ADAM8: variants seen among roughly 807,000 people sequenced by gnomAD.
The protein encoded by ADAM8 is disintegrin and metalloproteinase domain-containing protein 8.
ADAM8 carries 104 observed loss-of-function variants against 102.4 expected under a neutral mutation model. The ratio of observed to expected loss-of-function variants is 1.02; its 90% confidence interval spans 0.87 to 1.20. The LOEUF (loss-of-function observed/expected upper bound fraction) is 1.20, where lower values mean the gene tolerates loss of function less well. Ranked by LOEUF, ADAM8 falls within the 50% of genes most tolerant of loss-of-function variation. The pLI is 0.00. For synonymous variants in ADAM8, 517 were observed against 485.2 expected, an observed-to-expected ratio of 1.07 and a Z score of -0.86; for missense variants, 1,132 against 1,159.0, an observed-to-expected ratio of 0.98 and a Z score of 0.34.
chr10:133,264,706 G>A (rs1421662266), intron 21 of ADAM8, among the ~76,000 whole-genome samples: 9 of 147,262 alleles, frequency 6.1e-5, no homozygotes, highest in Admixed American at 4.1e-4. Context: ...CTACTGCCAC[G>A]CCTGTTCCTG....
Position 133,268,770 on chromosome 10 carries a change from C to T in ADAM8, c.2041G>A (p.Ala681Thr). Reference protein sequence around the residue: ...TLAGIIVYRKARSRILSRNVA... With the variant: ...TLAGIIVYRKTRSRILSRNVA... ...CACCTGCTCAGGATGCGGCTCCGGG[C>T]TTTGCGGTAGACGATGATGCCTGCC... is the stretch of plus-strand genomic sequence containing the variant. The change falls in exon 19 of 23, where the codon GCC becomes ACC. Residue 681 changes from alanine (A) to threonine (T), a missense_variant. Transcript: ENST00000445355. 2 of 1,610,878 alleles carry T rather than the reference C, an allele frequency of 1.2e-6. No homozygotes were observed. Among genetic ancestry groups the T allele is most frequent in the Non-Finnish European group, 1.7e-6 (2 of 1,179,832 alleles).
At position 133,270,517 on chromosome 10, in the gene ADAM8, A is replaced by G. The variant is rs762957998; in HGVS notation, c.1635-7T>C. The G allele has an allele frequency of 1.1e-5, 17 of 1,581,280 alleles. No individual in the cohort carries two copies. The East Asian group carries it at 3.4e-4, about 32-fold the overall frequency. Reference sequence around the variant, plus strand: ...AACGCCACACATGTCAGCCCTGTGGATGGACGGCAGGTCGTGGGCCAGCTT... The same window carrying G: ...AACGCCACACATGTCAGCCCTGTGGGTGGACGGCAGGTCGTGGGCCAGCTT... On this transcript the variant is annotated splice_region_variant and splice_polypyrimidine_tract_variant and intron_variant, in intron 15 of 22. Transcript: ENST00000445355.
rs773106714 is a variant in ADAM8 at position 133,269,448 on chromosome 10, C to A, written c.1945G>T (p.Ala649Ser). ...HCAKLLTEVH[A>S]ASGSLPVFVV... The stretch of plus-strand genomic sequence containing the variant: ...TGCGCTGGCCAGGGAGGCCTACCTG[C>A]GTGCACCTCAGTCAGCAGCTTCGCG... Residue 649 changes from alanine to serine, a missense_variant, in exon 18 of 23, where the codon GCA becomes TCA. Transcript: ENST00000445355. 1 of 1,591,252 alleles carries A rather than the reference C, an allele frequency of 6.3e-7. No individual in the cohort carries two copies. Among genetic ancestry groups the A allele is most frequent in the East Asian group, 2.2e-5 (1 of 44,548 alleles).
At chr10:133,264,644 G>T (rs1282024245) in intron 21 of ADAM8, among the ~76,000 whole-genome samples, 1 of 152,108 alleles carries the variant, frequency 6.6e-6, no homozygotes, top group African/African-American at 2.4e-5. Context: ...TTCTGCTGCA[G>T]CCTCTGCCCC....
intron 21 of ADAM8, 27 bp from the exon 22 acceptor site, chr10:133,263,792 TG>T: frequency 6.6e-7 from 1 of 1,506,984 alleles, no homozygotes. Flanking sequence ...ACAGCTGACA[TG>T]GGTCCCCCAG....
chr10:133,272,607 G>A (rs753473110), intron 8 of ADAM8, 22 bp from the exon 9 acceptor site: 4 of 1,595,734 alleles, frequency 2.5e-6, no homozygotes, highest in Non-Finnish European at 3.4e-6. Flanking sequence ...GTGGAGTCCT[G>A]GGGGTCAGGC....
rs374039286 is a variant in ADAM8 at position 133,271,961 on chromosome 10, G to A, written c.958-7C>T. 6.2e-7 allele frequency: 1 copy of A among 1,609,346 alleles called. No homozygotes were observed. Among genetic ancestry groups the A allele is most frequent in the Non-Finnish European group, 8.5e-7 (1 of 1,177,224 alleles). On this transcript the variant is annotated splice_polypyrimidine_tract_variant and splice_region_variant and intron_variant, in intron 10 of 22. Coordinates refer to ENST00000445355, the MANE Select transcript of ADAM8 (RefSeq NM_001109.5). ...CGGGGTTCTTGCTGTGGTCCTGCAGGAGGGTCTGTGCTCTCAGGAACCATG... is the reference window on the plus strand; with the variant it reads ...CGGGGTTCTTGCTGTGGTCCTGCAGAAGGGTCTGTGCTCTCAGGAACCATG...
In ADAM8 at chr10:133,272,506, G is replaced by A; in HGVS notation, c.785C>T (p.Pro262Leu). The A allele has an allele frequency of 1.2e-6, 2 of 1,612,232 alleles. No homozygotes were observed. Residue 262 changes from proline to leucine, a missense_variant, in exon 9 of 23, where the codon CCC becomes CTC. By Grantham distance (98) the Pro-to-Leu change is moderately conservative (BLOSUM62 -3). Coordinates refer to ENST00000445355, the MANE Select transcript of ADAM8 (RefSeq NM_001109.5). ...WNSQDRFHVS[P>L]DPSVTLENLL... ...GTTCTCCAGTGTGACACTGGGGTCG[G>A]GGCTGACGTGGAACCTGTCCTGACT...
At chr10:133,267,837 G>C in intron 20 of ADAM8, 92 bp downstream of exon 20, 1 of 1,164,648 alleles carries the variant, frequency 8.6e-7, no homozygotes, top group Non-Finnish European at 1.1e-6. Flanking sequence ...TTTAATGAAA[G>C]GGCTCTGCTG....
At chr10:133,267,849 C>T (rs1846373878) in intron 20 of ADAM8, 80 bp downstream of exon 20, 1 of 1,209,200 alleles carries the variant, frequency 8.3e-7, no homozygotes. Flanking sequence ...GCTCTGCTGG[C>T]CTCGGGCTGC....
intron 21 of ADAM8, among the ~76,000 whole-genome samples, chr10:133,264,713 C>T (rs1846268837): frequency 6.8e-6 from 1 of 146,400 alleles, no homozygotes; most frequent in African/African-American, 2.5e-5. Flanking sequence ...CACGCCTGTT[C>T]CTGCTGCAGC....
At position 133,269,481 on chromosome 10, in the gene ADAM8, G is replaced by A. The variant is rs149489023; in HGVS notation, c.1912C>T (p.Pro638Ser). 6.4e-5 allele frequency: 102 copies of A among 1,600,150 alleles called. No individual in the cohort carries two copies. The highest frequency in any genetic ancestry group is 8.2e-5 in the Non-Finnish European group (97 of 1,178,500). The change falls in exon 18 of 23, where the codon CCC becomes TCC. Residue 638 changes from proline (P) to serine (S), a missense_variant. Physicochemically the swap from Pro to Ser is moderately conservative, Grantham distance 74. Coordinates refer to ENST00000445355, the MANE Select transcript of ADAM8 (RefSeq NM_001109.5). ...ECHCHAGWAP[P>S]HCAKLLTEVH... ...TCAGTCAGCAGCTTCGCGCAGTGGG[G>A]CGGGGCCCAGCCCGCGTGGCAGTGG...
intron 21 of ADAM8, among the ~76,000 whole-genome samples, chr10:133,265,594 A>T (rs553060654): frequency 6.6e-6 from 1 of 152,162 alleles, no homozygotes; most frequent in Non-Finnish European, 1.5e-5. Context: ...GATCAAGACC[A>T]TCTTGGCTAA....
intron 15 of ADAM8, 54 bp downstream of exon 15, chr10:133,270,682 T>A (rs1366135333): frequency 3.4e-5 from 54 of 1,573,772 alleles, no homozygotes; most frequent in Non-Finnish European, 4.5e-5. Context: ...CTTCTGGGGC[T>A]GACCCCGCTG....
chr10:133,263,515 A>AT (rs1846226640), intron 22 of ADAM8, among the ~76,000 whole-genome samples, 173 bp downstream of exon 22: 2 of 137,410 alleles, frequency 1.5e-5, no homozygotes, highest in African/African-American at 5.6e-5. Context: ...CAGCACAGAT[A>AT]CCACAGTACA....
intron 16 of ADAM8, 133 bp downstream of exon 16, chr10:133,270,227 T>C: frequency 7.9e-7 from 1 of 1,271,434 alleles, no homozygotes; most frequent in East Asian, 2.5e-5. Context: ...TTTCAGTCTC[T>C]ACTAGAAGCG....
At chr10:133,272,667 G>C (rs1846580554) in intron 8 of ADAM8, 82 bp from the exon 9 acceptor site, 1 of 1,540,682 alleles carries the variant, frequency 6.5e-7, no homozygotes, top group African/African-American at 1.4e-5. Context: ...GGATGCACCT[G>C]TCCCACGGCG....
chr10:133,264,667 G>C (rs1479264609), intron 21 of ADAM8, among the ~76,000 whole-genome samples: 7 of 151,510 alleles, frequency 4.6e-5, no homozygotes, highest in Admixed American at 4.6e-4. Flanking sequence ...CTACTGCCAC[G>C]CCTGTTCCTG....
Position 133,272,398 on chromosome 10 carries a change from C to CCCGCT in ADAM8, c.875+13_875+17dup. The stretch of plus-strand genomic sequence containing the variant: ...TCCCTCCCCAGCCCTCCCCACCCTG[C>CCCGCT]CCGCTCCGCCAGCTCACGTGATGAG... On this transcript the variant is annotated intron_variant, in intron 9 of 22. Coordinates refer to ENST00000445355, the MANE Select transcript of ADAM8 (RefSeq NM_001109.5). 1 of 1,552,966 alleles carries CCCGCT rather than the reference C, an allele frequency of 6.4e-7. No homozygotes were observed. Among genetic ancestry groups the CCCGCT allele is most frequent in the Admixed American group, 1.8e-5 (1 of 57,016 alleles).
Sources: gnomAD v4.1 joint callset for allele counts (sites outside exome capture counted in the v4.1 genomes callset) on GRCh38, gnomAD v4.1.1 for gene constraint, MANE v1.5 for transcripts, NCBI Gene and HGNC (gene_info 2026-07-23, HGNC 2026-07-21) for gene names.